Variants in GIGYF2 observed in about 807,000 individuals in gnomAD.
The protein encoded by GIGYF2 is GRB10 interacting GYF protein 2.
In GIGYF2, 25 loss-of-function variants were observed where a neutral mutation model predicts 208.1. The ratio of observed to expected loss-of-function variants is 0.12; its 90% CI spans 0.09 to 0.17. GIGYF2 has a LOEUF of 0.17. Among genes scored for constraint, GIGYF2 ranks in the 10% least tolerant of loss-of-function variants. The pLI is 1.00. For missense variants in GIGYF2, 1,302 were observed against 1,579.4 expected (o/e 0.82, Z 2.98); for synonymous variants, 534 against 543.8 (o/e 0.98, Z 0.25).
chr2:232,855,152 T>A (rs771106330), intron 28 of GIGYF2, among the ~76,000 whole-genome samples: 81 of 148,512 alleles, frequency 5.5e-4, no homozygotes, highest in Non-Finnish European at 7.4e-4. Context: ...AGTGATGTTA[T>A]CTCAGCTCAC....
intron 2 of GIGYF2, among the ~76,000 whole-genome samples, chr2:232,721,133 C>T (rs1053766076): frequency 2.0e-5 from 3 of 152,282 alleles, no homozygotes; most frequent in Admixed American, 1.3e-4. Context: ...TTTCTGACTC[C>T]TTCCTCAAAG....
At chr2:232,829,407 A>G (rs1701348913) in intron 21 of GIGYF2, among the ~76,000 whole-genome samples, 1 of 152,224 alleles carries the variant, frequency 6.6e-6, no homozygotes. Context: ...AAAAAATTGT[A>G]TAAGGAACAT....
chr2:232,723,103 C>T (rs550438759), intron 2 of GIGYF2, among the ~76,000 whole-genome samples: 31 of 152,280 alleles, frequency 2.0e-4, no homozygotes, highest in African/African-American at 7.2e-4. Flanking sequence ...CTGGCATGGA[C>T]ATTAGCTTGG....
rs566571702 is a variant in GIGYF2 at position 232,790,483 on chromosome 2, C to T, written c.713-215C>T. Among the ~76,000 whole-genome samples, 703 of 152,186 alleles carry T rather than the reference C, an allele frequency of 4.6e-3. 1 individual carries two copies. Among genetic ancestry groups the T allele is most frequent in the Non-Finnish European group, 7.4e-3 (500 of 68,000 alleles). On this transcript the variant is annotated intron_variant, in intron 9 of 28. Coordinates refer to ENST00000373563, the MANE Select transcript of GIGYF2 (RefSeq NM_001103146.3). ...TCTTTTAAAGCTTTAGAGTATGTTG[C>T]CTGGCTCAGTACTTAAGTACTGTTG...
chr2:232,774,071 C>G (rs572516972), intron 8 of GIGYF2, among the ~76,000 whole-genome samples: 1 of 150,650 alleles, frequency 6.6e-6, no homozygotes, highest in South Asian at 2.1e-4. Flanking sequence ...TGCTTGAGGT[C>G]GGGAATTCAA....
At chr2:232,851,245 T>C (rs2106432868) in intron 28 of GIGYF2, among the ~76,000 whole-genome samples, 1 of 152,002 alleles carries the variant, frequency 6.6e-6, no homozygotes, top group African/African-American at 2.4e-5. Context: ...TGACCAGGAG[T>C]TGAAGGCTGC....
At chr2:232,815,494 T>C (rs1574916353) in intron 18 of GIGYF2, 143 bp from the exon 19 acceptor site, 1 of 696,072 alleles carries the variant, frequency 1.4e-6, no homozygotes, top group Non-Finnish European at 2.7e-6. Context: ...CCATTGGCAG[T>C]TCAGTCTTCT....
chr2:232,788,080 T>C (rs1184658362), intron 9 of GIGYF2: 1 of 154,490 alleles, frequency 6.5e-6, no homozygotes, highest in Admixed American at 6.4e-5. Flanking sequence ...ACACAGAGTA[T>C]ATGTGGAATG....
chr2:232,735,808 C>A (rs1368151929), intron 3 of GIGYF2: 3 of 985,388 alleles, frequency 3.0e-6, no homozygotes, highest in Non-Finnish European at 3.6e-6. Context: ...ATTTTGAGAT[C>A]CATCACATTG....
rs1175312942 is a variant in GIGYF2, at chr2:232,860,359, G to A, written c.*3499G>A. 6.6e-6 allele frequency: 1 copy of A among 150,584 alleles called. No homozygotes were observed. The highest frequency in any genetic ancestry group is 2.4e-5 in the African/African-American group (1 of 41,054). The allele number at this position is 150,584 out of a possible 1,614,324, so 9.3% of individuals were successfully genotyped here. A position where few individuals can be genotyped will look rare whatever the true frequency, so the allele number is the denominator to read the frequency against. ...TGGCTTTATTTAAATAATTTTTTTA[G>A]GGAAACCATTGTATTTATACATGCA... On this transcript the variant is annotated 3_prime_UTR_variant, in exon 29 of 29. Coordinates refer to ENST00000373563, the MANE Select transcript of GIGYF2 (RefSeq NM_001103146.3).
intron 8 of GIGYF2, chr2:232,766,735 G>C (rs948082701): frequency 1.3e-5 from 2 of 152,316 alleles, no homozygotes; most frequent in South Asian, 4.1e-4. Context: ...TGGTCAAATA[G>C]TAGAAAAATG....
chr2:232,716,721 TC>T (rs1395378818), intron 2 of GIGYF2, among the ~76,000 whole-genome samples: 1 of 152,098 alleles, frequency 6.6e-6, no homozygotes, highest in Admixed American at 6.6e-5. Flanking sequence ...TCTTTTCTAA[TC>T]GCAAAAATTT....
Position 232,756,269 on chromosome 2 carries a change from C to G in GIGYF2, c.314C>G (p.Thr105Arg). 1 of 1,573,056 alleles carries G rather than the reference C, an allele frequency of 6.4e-7. No individual in the cohort carries two copies. The highest frequency in any genetic ancestry group is 8.6e-7 in the Non-Finnish European group (1 of 1,165,004). Residue 105 changes from threonine to arginine, a missense_variant, in exon 6 of 29, where the codon ACA becomes AGA. By Grantham distance (71) the Thr-to-Arg change is moderately conservative. This residue lies in a region of GIGYF2 where 189 missense variants were observed against 257.7 expected (regional missense o/e 0.73). Transcript: ENST00000373563. ...AATAGTGCTGCTGTCCTGCGATTGA[C>G]AGGACGAGGAGGAGGAGGAACAGTG... ...SVNSAAVLRL[T>R]GRGGGGTVVG...
chr2:232,721,298 T>G (rs1229126590), intron 2 of GIGYF2, among the ~76,000 whole-genome samples: 1 of 152,258 alleles, frequency 6.6e-6, no homozygotes, highest in Non-Finnish European at 1.5e-5. Flanking sequence ...TCTTCTTCCC[T>G]TGACCAAATC....
At position 232,811,363 on chromosome 2, in the gene GIGYF2, T is replaced by C. The variant is rs1700729235; in HGVS notation, c.2006+12T>C. The C allele has an allele frequency of 7.2e-7, 1 of 1,383,540 alleles. No individual in the cohort carries two copies. The highest frequency in any genetic ancestry group is 2.3e-5 in the East Asian group (1 of 43,798). The allele number at this position is 1,383,540 out of a possible 1,614,324, so 85.7% of individuals were successfully genotyped here. ...ACCTTGAAGATGAGGTTGGTGGTCATTCCATTATGTGTCATATGGGGTGCA... is the reference window on the plus strand; with the variant it reads ...ACCTTGAAGATGAGGTTGGTGGTCACTCCATTATGTGTCATATGGGGTGCA... On this transcript the variant is annotated intron_variant, in intron 17 of 28. Transcript: ENST00000373563.
At chr2:232,743,714 C>T (rs75162742) in intron 3 of GIGYF2, among the ~76,000 whole-genome samples, 15 of 152,124 alleles carry the variant, frequency 9.9e-5, no homozygotes, top group African/African-American at 2.9e-4. Flanking sequence ...TTGAATTTGT[C>T]GATTATTGAA....
intron 8 of GIGYF2, among the ~76,000 whole-genome samples, chr2:232,784,502 G>A (rs1699842228): frequency 1.5e-5 from 1 of 68,006 alleles, no homozygotes; most frequent in Non-Finnish European, 2.7e-5. Flanking sequence ...CCATTCTCCT[G>A]CCTCAGCCTC....
At position 232,833,695 on chromosome 2, in the gene GIGYF2, CAT is replaced by C. The variant is rs534247996; in HGVS notation, c.2766+604_2766+605del. Among the ~76,000 whole-genome samples, 119 of 152,262 alleles carry C rather than the reference CAT, an allele frequency of 7.8e-4. 1 individual carries two copies. In the South Asian group the frequency reaches 0.024, roughly 31 times the overall value. ...ACCAGTTCAGCGCTGCTGAGACAAA[CAT>C]AAATGAGACAAGGCAGTTGCTCCCA... On this transcript the variant is annotated intron_variant, in intron 22 of 28. Coordinates refer to ENST00000373563, the MANE Select transcript of GIGYF2 (RefSeq NM_001103146.3).
chr2:232,762,388 G>A (rs369366663), intron 8 of GIGYF2, among the ~76,000 whole-genome samples: 2 of 151,794 alleles, frequency 1.3e-5, no homozygotes, highest in South Asian at 4.2e-4. Context: ...GAGTAGTTGG[G>A]ACTACAGGTG....
Sources: allele counts gnomAD v4.1 joint callset (sites outside exome capture counted in the v4.1 genomes callset), GRCh38; gene constraint gnomAD v4.1.1; regional missense constraint gnomAD v4.1.1; transcripts MANE v1.5; gene names NCBI Gene and HGNC (gene_info 2026-07-23, HGNC 2026-07-21).